BMPR2: variants seen among roughly 807,000 people sequenced by gnomAD.
The protein encoded by BMPR2 is bone morphogenetic protein receptor type-2.
A neutral mutation model predicts 100.8 loss-of-function variants in BMPR2; 29 were observed. That is an observed-to-expected ratio of 0.29 (90% confidence interval 0.21 to 0.39). The LOEUF (loss-of-function observed/expected upper bound fraction) is 0.39, where lower values mean the gene tolerates loss of function less well. Among genes scored for constraint, BMPR2 ranks in the 10% least tolerant of loss-of-function variants. The probability of loss-of-function intolerance (pLI) is 1.00; values close to 1 mark genes in which losing one functional copy is unlikely to be tolerated. For synonymous variants in BMPR2, 382 were observed against 442.3 expected (o/e 0.86, Z 1.71); for missense variants, 1,011 against 1,274.5 (o/e 0.79, Z 3.15).
intron 8 of BMPR2, among the ~76,000 whole-genome samples, chr2:202,531,449 G>A (rs1688025820): frequency 6.6e-6 from 1 of 152,076 alleles, no homozygotes; most frequent in East Asian, 1.9e-4. Context: ...ACAAGCATTA[G>A]GAACAAATTT....
chr2:202,519,179 T>C (rs1687776306), intron 6 of BMPR2, 127 bp downstream of exon 6: 1 of 941,410 alleles, frequency 1.1e-6, no homozygotes, highest in South Asian at 1.3e-5. Context: ...CTCGCCAACA[T>C]GGCAAAACTC....
chr2:202,546,345 A>G (rs1246046673), intron 10 of BMPR2, among the ~76,000 whole-genome samples: 1 of 152,218 alleles, frequency 6.6e-6, no homozygotes, highest in Non-Finnish European at 1.5e-5. Context: ...TCTTTCAAAT[A>G]TTAATGAATA....
intron 9 of BMPR2, among the ~76,000 whole-genome samples, chr2:202,534,225 A>G (rs1574495380): frequency 6.7e-6 from 1 of 148,918 alleles, no homozygotes; most frequent in Non-Finnish European, 1.5e-5. Flanking sequence ...GTGTGTGTAT[A>G]TATATATATA....
chr2:202,561,258 G>A lies in BMPR2; in HGVS notation c.*1312G>A, dbSNP rs1286376141. 1.3e-5 allele frequency: 2 copies of A among 152,070 alleles called. No homozygotes were observed. Among genetic ancestry groups the A allele is most frequent in the Non-Finnish European group, 2.9e-5 (2 of 67,980 alleles). The allele number at this position is 152,070 out of a possible 1,614,324, so 9.4% of individuals were successfully genotyped here. A position where few individuals can be genotyped will look rare whatever the true frequency, so the allele number is the denominator to read the frequency against. On this transcript the variant is annotated 3_prime_UTR_variant, in exon 13 of 13. Coordinates refer to ENST00000374580, the MANE Select transcript of BMPR2 (RefSeq NM_001204.7). ...ACTAAACTTCTCTCTTTTCAAAATT[G>A]TGTTATCTTCCTTAATCCTATTTTC...
intron 3 of BMPR2, among the ~76,000 whole-genome samples, chr2:202,468,461 ACT>A (rs1692369857): frequency 1.3e-5 from 2 of 152,140 alleles, no homozygotes; most frequent in East Asian, 1.9e-4. Flanking sequence ...ACACAGCGAG[ACT>A]CTGTCTCAAA....
At chr2:202,436,057 A>G (rs1691607983) in intron 1 of BMPR2, among the ~76,000 whole-genome samples, 1 of 150,846 alleles carries the variant, frequency 6.6e-6, no homozygotes, top group South Asian at 2.1e-4. Flanking sequence ...GTCATGATTC[A>G]AAAAAGCATT....
At chr2:202,440,641 C>T (rs1000562857) in intron 1 of BMPR2, among the ~76,000 whole-genome samples, 1 of 150,480 alleles carries the variant, frequency 6.6e-6, no homozygotes, top group Non-Finnish European at 1.5e-5. Context: ...GAGGTTGTAG[C>T]GAGCCGAGAT....
chr2:202,557,515 A>AC (rs1574508140), intron 12 of BMPR2, among the ~76,000 whole-genome samples: 15 of 140,048 alleles, frequency 1.1e-4, no homozygotes, highest in South Asian at 2.4e-4. Flanking sequence ...ACACACACAC[A>AC]AATTAGCTGG....
intron 1 of BMPR2, among the ~76,000 whole-genome samples, chr2:202,440,688 C>G (rs774276215): frequency 1.3e-5 from 2 of 150,418 alleles, no homozygotes; most frequent in Non-Finnish European, 2.9e-5. Flanking sequence ...CCCAGGCACT[C>G]GGCAGGCTGA....
chr2:202,447,723 C>A (rs1691880867), intron 1 of BMPR2, among the ~76,000 whole-genome samples: 1 of 150,540 alleles, frequency 6.6e-6, no homozygotes, highest in South Asian at 2.1e-4. Flanking sequence ...TTTGCTATTA[C>A]AAATAATGTT....
intron 1 of BMPR2, among the ~76,000 whole-genome samples, chr2:202,438,988 A>G (rs530765680): frequency 6.6e-6 from 1 of 150,672 alleles, no homozygotes; most frequent in Admixed American, 6.6e-5. Flanking sequence ...CAGCTTGTCA[A>G]TTTCTACTCG....
In BMPR2 at chr2:202,564,767, G is replaced by C. The variant is rs571330474; in HGVS notation, c.*4821G>C. ...TTTCCTTAAATCACCTCATAGTTAG[G>C]CTGGGCGCGGTGGCTCACGCCTGTA... is the stretch of plus-strand genomic sequence containing the variant. On this transcript the variant is annotated 3_prime_UTR_variant, in exon 13 of 13. Transcript: ENST00000374580. 3 of 152,168 alleles carry C rather than the reference G, an allele frequency of 2.0e-5. No individual in the cohort carries two copies. Among genetic ancestry groups the C allele is most frequent in the Admixed American group, 2.0e-4 (3 of 15,268 alleles). 9.4% of individuals were successfully genotyped at this position (152,168 alleles called of 1,614,324 possible).
intron 7 of BMPR2, among the ~76,000 whole-genome samples, chr2:202,525,180 A>G (rs1687886603): frequency 6.6e-6 from 1 of 151,836 alleles, no homozygotes; most frequent in Admixed American, 6.6e-5. Flanking sequence ...ATAGTAGTGT[A>G]TATATTTATG....
intron 3 of BMPR2, among the ~76,000 whole-genome samples, chr2:202,512,782 C>T (rs1687648052): frequency 6.6e-6 from 1 of 151,980 alleles, no homozygotes; most frequent in Non-Finnish European, 1.5e-5. Context: ...AACTTGGGCT[C>T]AGATAGGAGA....
intron 10 of BMPR2, among the ~76,000 whole-genome samples, chr2:202,550,963 TTTTTTTTTTTTGA>T (rs1245322413): frequency 1.4e-5 from 2 of 139,518 alleles, no homozygotes; most frequent in African/African-American, 5.4e-5. Flanking sequence ...TTTTTTTTTT[TTTTTTTTTTTTGA>T]GCCAGAGCCT....
chr2:202,455,870 T>C (rs1007362067), intron 1 of BMPR2, among the ~76,000 whole-genome samples: 14 of 151,222 alleles, frequency 9.3e-5, no homozygotes, highest in African/African-American at 2.7e-4. Context: ...TCGAGACCAT[T>C]CTGGCTAACA....
rs147335579 is a variant in BMPR2, at chr2:202,541,036, G to A, written c.1277-1275G>A. On this transcript the variant is annotated intron_variant, in intron 9 of 12. Coordinates refer to ENST00000374580, the MANE Select transcript of BMPR2 (RefSeq NM_001204.7). The stretch of plus-strand genomic sequence containing the variant: ...TTATCATATTTTGTAAAAATCAAAA[G>A]CCTAACATCAGAGTTGATTGTGCTT... 3.8e-3 allele frequency among the ~76,000 whole-genome samples: 578 copies of A among 152,110 alleles called. 3 individuals carry two copies. The highest frequency in any genetic ancestry group is 5.3e-3 in the Non-Finnish European group (360 of 68,012).
intron 3 of BMPR2, among the ~76,000 whole-genome samples, chr2:202,507,530 T>C (rs1046131831): frequency 2.0e-5 from 3 of 151,696 alleles, no homozygotes; most frequent in Admixed American, 2.0e-4. Flanking sequence ...ACTGGGACTA[T>C]AGGCATGCAC....
At chr2:202,499,253 T>C (rs1022984927) in intron 3 of BMPR2, among the ~76,000 whole-genome samples, 1 of 152,184 alleles carries the variant, frequency 6.6e-6, no homozygotes, top group African/African-American at 2.4e-5. Flanking sequence ...TGACCTCCCT[T>C]GGAGAGATGT....
Sources: gnomAD v4.1 joint callset for allele counts (sites outside exome capture counted in the v4.1 genomes callset) on GRCh38, gnomAD v4.1.1 for gene constraint, MANE v1.5 for transcripts, NCBI Gene and HGNC (gene_info 2026-07-23, HGNC 2026-07-21) for gene names.